The following ELMO1 variants were observed in gnomAD, a reference collection of about 807,000 sequenced individuals.
ELMO1 encodes engulfment and cell motility 1.
ELMO1 carries 26 observed loss-of-function variants against 98.9 expected under a neutral mutation model. The ratio of observed to expected loss-of-function variants is 0.26; its 90% confidence interval spans 0.19 to 0.36. The LOEUF (loss-of-function observed/expected upper bound fraction) is 0.36, where lower values mean the gene tolerates loss of function less well. Among genes scored for constraint, ELMO1 ranks in the 10% least tolerant of loss-of-function variants. ELMO1 has a pLI of 1.00. For synonymous variants in ELMO1, 346 were observed against 346.0 expected (o/e 1.00, Z 0.00); for missense variants, 627 against 935.2 (o/e 0.67, Z 4.30).
intron 17 of ELMO1, among the ~76,000 whole-genome samples, chr7:36,891,052 A>G (rs1783372533): frequency 6.6e-6 from 1 of 152,178 alleles, no homozygotes; most frequent in African/African-American, 2.4e-5. Context: ...TCTGTACTCA[A>G]TTGGCACCAT....
At chr7:37,082,794 G>A (rs906930696) in intron 15 of ELMO1, among the ~76,000 whole-genome samples, 2 of 152,136 alleles carry the variant, frequency 1.3e-5, no homozygotes, top group South Asian at 2.1e-4. Flanking sequence ...GCTGAGAGTC[G>A]TCACACCTGC....
intron 14 of ELMO1, among the ~76,000 whole-genome samples, chr7:37,116,354 A>T (rs1158896290): frequency 6.6e-6 from 1 of 152,204 alleles, no homozygotes; most frequent in East Asian, 1.9e-4. Flanking sequence ...TGTACTCAAT[A>T]AATATTTAAC....
chr7:37,123,004 T>A (rs1786188781), intron 14 of ELMO1, among the ~76,000 whole-genome samples: 1 of 152,078 alleles, frequency 6.6e-6, no homozygotes, highest in African/African-American at 2.4e-5. Flanking sequence ...CTCAACTACA[T>A]GGAAACTGAA....
At chr7:37,178,449 AG>A (rs1441579327) in intron 13 of ELMO1, among the ~76,000 whole-genome samples, 2 of 148,218 alleles carry the variant, frequency 1.3e-5, no homozygotes, top group African/African-American at 2.5e-5. Context: ...AAAAAAAAAA[AG>A]AAAAAATTAG....
chr7:37,259,620 T>C (rs1795875770), intron 5 of ELMO1, among the ~76,000 whole-genome samples: 2 of 151,778 alleles, frequency 1.3e-5, no homozygotes, highest in African/African-American at 4.8e-5. Context: ...AGAGCAAGAG[T>C]ACAAGAATAT....
chr7:37,199,887 G>A (rs1792187200), intron 13 of ELMO1, among the ~76,000 whole-genome samples: 1 of 152,182 alleles, frequency 6.6e-6, no homozygotes, highest in African/African-American at 2.4e-5. Flanking sequence ...CTACACTGAA[G>A]TGGAAATGGC....
intron 4 of ELMO1, among the ~76,000 whole-genome samples, chr7:37,289,301 A>G (rs1797556939): frequency 6.6e-6 from 1 of 152,138 alleles, no homozygotes; most frequent in Admixed American, 6.5e-5. Flanking sequence ...CTATGCTATA[A>G]CCTTCAGTCA....
At chr7:37,248,194 ATG>A (rs3054282) in intron 6 of ELMO1, among the ~76,000 whole-genome samples, 24 of 140,946 alleles carry the variant, frequency 1.7e-4, no homozygotes, top group South Asian at 2.3e-4. Flanking sequence ...GGGATTTTAT[ATG>A]TGTGTGTGTG....
Position 37,406,663 on chromosome 7 carries a change from C to T in ELMO1, c.-74+42012G>A, listed in dbSNP as rs373524233. Among the ~76,000 whole-genome samples the T allele has an allele frequency of 8.6e-5, 13 of 151,866 alleles. No homozygotes were observed. In the East Asian group the frequency reaches 1.2e-3, roughly 14 times the overall value. On this transcript the variant is annotated intron_variant, in intron 1 of 21. Coordinates refer to ENST00000310758, the MANE Select transcript of ELMO1 (RefSeq NM_014800.11). The stretch of plus-strand genomic sequence containing the variant: ...TTCACCGTGTTAGGCAGGATGGTCT[C>T]GAACTCCTGACCTTGTGATCTGCCC...
chr7:36,865,088 C>T (rs1049134330), intron 20 of ELMO1, among the ~76,000 whole-genome samples: 8 of 152,170 alleles, frequency 5.3e-5, no homozygotes, highest in African/African-American at 9.7e-5. Context: ...AATGAGGAAC[C>T]GACTGATAAC....
intron 13 of ELMO1, among the ~76,000 whole-genome samples, chr7:37,181,918 C>T (rs934945208): frequency 6.6e-6 from 1 of 152,026 alleles, no homozygotes; most frequent in African/African-American, 2.4e-5. Context: ...GAAAAGAACA[C>T]AGAATACACA....
intron 13 of ELMO1, among the ~76,000 whole-genome samples, chr7:37,160,493 C>A (rs1454006852): frequency 6.6e-6 from 1 of 152,176 alleles, no homozygotes; most frequent in African/African-American, 2.4e-5. Flanking sequence ...CCTGTTTCCC[C>A]ACTGGCACCC....
chr7:37,122,962 G>T (rs1438857421), intron 14 of ELMO1, among the ~76,000 whole-genome samples: 2 of 152,110 alleles, frequency 1.3e-5, no homozygotes, highest in Non-Finnish European at 2.9e-5. Flanking sequence ...AACCAAACTG[G>T]AACTCAGGAT....
chr7:37,373,396 C>T (rs529013871), intron 1 of ELMO1, among the ~76,000 whole-genome samples: 20 of 152,106 alleles, frequency 1.3e-4, no homozygotes, highest in East Asian at 5.8e-4. Flanking sequence ...CACCTGAGGT[C>T]GGGAGTTTGA....
intron 1 of ELMO1, among the ~76,000 whole-genome samples, chr7:37,345,101 G>A (rs1187828627): frequency 1.3e-5 from 2 of 152,138 alleles, no homozygotes; most frequent in Non-Finnish European, 2.9e-5. Flanking sequence ...AAACAAAACC[G>A]CTACTCCTTT....
In ELMO1 at chr7:36,855,544, G is replaced by C; in HGVS notation, c.*7C>G. 1 of 1,613,792 alleles carries C rather than the reference G, an allele frequency of 6.2e-7. No homozygotes were observed. The highest frequency in any genetic ancestry group is 8.5e-7 in the Non-Finnish European group (1 of 1,179,924). On this transcript the variant is annotated 3_prime_UTR_variant, in exon 22 of 22. Transcript: ENST00000310758. This position sits in a 1 kb window ranked among gnomAD's most constrained non-coding sequence, Gnocchi z 4.2. ...TTTTGGAAGGGGCATGTCTGGGCCC[G>C]GCCACTTCAGTTACAGTCATAGACG... is the stretch of plus-strand genomic sequence containing the variant.
intron 1 of ELMO1, among the ~76,000 whole-genome samples, chr7:37,422,231 C>T (rs866772669): frequency 6.6e-6 from 1 of 152,156 alleles, no homozygotes; most frequent in Non-Finnish European, 1.5e-5. Context: ...TATTGACTAC[C>T]CATTATATGC....
chr7:36,935,112 G>GACCC (rs1294211649), intron 16 of ELMO1, among the ~76,000 whole-genome samples: 1 of 152,152 alleles, frequency 6.6e-6, no homozygotes, highest in Non-Finnish European at 1.5e-5. Flanking sequence ...CTGTGGAAGG[G>GACCC]ACCCAGTGGG....
intron 18 of ELMO1, among the ~76,000 whole-genome samples, chr7:36,879,112 C>T (rs1804214813): frequency 6.6e-6 from 1 of 152,182 alleles, no homozygotes; most frequent in Non-Finnish European, 1.5e-5. Flanking sequence ...AAGTAACTTG[C>T]CCTTGAGGGT....
Sources: allele counts gnomAD v4.1 joint callset (sites outside exome capture counted in the v4.1 genomes callset), GRCh38; gene constraint gnomAD v4.1.1; non-coding constraint Gnocchi (gnomAD v3.1); transcripts MANE v1.5; gene names NCBI Gene and HGNC (gene_info 2026-07-23, HGNC 2026-07-21).